MARK1: variants seen among roughly 807,000 people sequenced by gnomAD.
MARK1 encodes the protein microtubule affinity regulating kinase 1, also known as serine/threonine-protein kinase MARK1.
In MARK1, 40 loss-of-function variants were observed where a neutral mutation model predicts 96.3. The observed-to-expected ratio is 0.42, with a 90% confidence interval of 0.32 to 0.54. The LOEUF is 0.54. Ranked by LOEUF, MARK1 falls within the 20% of genes least tolerant of loss-of-function variation. MARK1 has a pLI of 0.16. For missense variants in MARK1, 719 were observed against 984.6 expected (o/e 0.73, Z 3.61); for synonymous variants, 317 against 341.2 (o/e 0.93, Z 0.78).
rs1664092369 is a variant in MARK1 at position 220,579,561 on chromosome 1, A to G, written c.255+4A>G. 6.2e-7 allele frequency: 1 copy of G among 1,613,084 alleles called. No homozygotes were observed. The highest frequency in any genetic ancestry group is 8.5e-7 in the Non-Finnish European group (1 of 1,179,184). Reference sequence around the variant, plus strand: ...ACACGTTCTAACTGGTAGAGAGGTAAGTTTGCACAATGCCTTTTAATATCT... The same window carrying G: ...ACACGTTCTAACTGGTAGAGAGGTAGGTTTGCACAATGCCTTTTAATATCT... On this transcript the variant is annotated splice_donor_region_variant and intron_variant, in intron 2 of 17. Transcript: ENST00000366917.
chr1:220,634,390 C>T (rs905894643), intron 11 of MARK1, among the ~76,000 whole-genome samples: 1 of 152,116 alleles, frequency 6.6e-6, no homozygotes, highest in African/African-American at 2.4e-5. Context: ...CTAAGCACCC[C>T]CACCCCTGCC....
At chr1:220,626,241 G>A in intron 9 of MARK1, 3 of 528,302 alleles carry the variant, frequency 5.7e-6, no homozygotes, top group South Asian at 4.8e-5. Flanking sequence ...ATCACCAGAG[G>A]GTGCTGTATA....
At chr1:220,529,054 C>T (rs938897721) in intron 1 of MARK1, among the ~76,000 whole-genome samples, 181 bp downstream of exon 1, 1 of 152,216 alleles carries the variant, frequency 6.6e-6, no homozygotes, top group African/African-American at 2.4e-5. Context: ...AACCCCATTT[C>T]GCTTGTTTCC....
rs5781180 is a variant in MARK1 at position 220,598,398 on chromosome 1, T to TTATATA, written c.358+34_358+39dup. On this transcript the variant is annotated intron_variant, in intron 4 of 17. Coordinates refer to ENST00000366917, the MANE Select transcript of MARK1 (RefSeq NM_018650.5). ...AATATAGGTATGAAATATATATATA[T>TTATATA]TATATATATATATATATATAATTAG... is the stretch of plus-strand genomic sequence containing the variant. 2,087 of 213,818 alleles carry TTATATA rather than the reference T, an allele frequency of 9.8e-3. 13 individuals carry two copies. The highest frequency in any genetic ancestry group is 0.019 in the Middle Eastern group (10 of 514). The allele number at this position is 213,818 out of a possible 1,614,324, so 13.2% of individuals were successfully genotyped here.
chr1:220,575,735 T>G (rs983199744), intron 1 of MARK1, among the ~76,000 whole-genome samples: 1 of 152,012 alleles, frequency 6.6e-6, no homozygotes, highest in Non-Finnish European at 1.5e-5. Flanking sequence ...TGATCATGTT[T>G]AATGTTGAGG....
chr1:220,553,964 C>T (rs1160193826), intron 1 of MARK1, among the ~76,000 whole-genome samples: 1 of 152,228 alleles, frequency 6.6e-6, no homozygotes, highest in East Asian at 1.9e-4. Context: ...CCATTCAAAA[C>T]TGGCAGGCTT....
chr1:220,611,365 G>T (rs563141907), intron 6 of MARK1, among the ~76,000 whole-genome samples: 1 of 152,180 alleles, frequency 6.6e-6, no homozygotes, highest in Admixed American at 6.5e-5. Context: ...CTCCGTGGGC[G>T]TAGGACCCGC....
rs1281751675 is a variant in MARK1 at position 220,662,970 on chromosome 1, T to C, written c.*804T>C. On this transcript the variant is annotated 3_prime_UTR_variant, in exon 18 of 18. Transcript: ENST00000366917. ...TTTAAAAGAAAAAAAACATACTTTATCTGGCTATTATAACATAAACTGTCA... is the reference window on the plus strand; with the variant it reads ...TTTAAAAGAAAAAAAACATACTTTACCTGGCTATTATAACATAAACTGTCA... 3.3e-5 allele frequency: 5 copies of C among 152,652 alleles called. No homozygotes were observed. Among genetic ancestry groups the C allele is most frequent in the African/African-American group, 9.6e-5 (4 of 41,462 alleles). The allele number at this position is 152,652 out of a possible 1,614,324, so 9.5% of individuals were successfully genotyped here. A position where few individuals can be genotyped will look rare whatever the true frequency, so the allele number is the denominator to read the frequency against.
At chr1:220,636,777 T>C (rs919011024) in intron 13 of MARK1, among the ~76,000 whole-genome samples, 3 of 151,786 alleles carry the variant, frequency 2.0e-5, no homozygotes, top group African/African-American at 7.3e-5. Flanking sequence ...GGAACAAGAT[T>C]CTGTAGTCCC....
At chr1:220,656,855 G>T (rs1052333986) in intron 16 of MARK1, among the ~76,000 whole-genome samples, 4 of 152,036 alleles carry the variant, frequency 2.6e-5, no homozygotes, top group African/African-American at 9.7e-5. Context: ...GAGGCATAAG[G>T]CGTTCATATT....
intron 4 of MARK1, among the ~76,000 whole-genome samples, chr1:220,599,293 C>A (rs562850311): frequency 1.3e-5 from 2 of 151,844 alleles, no homozygotes; most frequent in East Asian, 3.9e-4. Flanking sequence ...AAAATCTTAT[C>A]TGTATATAGT....
chr1:220,654,026 T>G lies in MARK1; in HGVS notation c.1988+674T>G, dbSNP rs1669041442. 1.3e-5 allele frequency among the ~76,000 whole-genome samples: 2 copies of G among 152,230 alleles called. No individual in the cohort carries two copies. Among genetic ancestry groups the G allele is most frequent in the Admixed American group, 6.5e-5 (1 of 15,282 alleles). Reference sequence around the variant, plus strand: ...TTCCTGGTCCCACTAAATGCCTACTTAAGCCCTGCGACAGACAAAGCACTG... The same window carrying G: ...TTCCTGGTCCCACTAAATGCCTACTGAAGCCCTGCGACAGACAAAGCACTG... On this transcript the variant is annotated intron_variant, in intron 16 of 17. Coordinates refer to ENST00000366917, the MANE Select transcript of MARK1 (RefSeq NM_018650.5). The surrounding 1 kb of genome is among the most constrained non-coding windows in gnomAD (Gnocchi z 4.0).
intron 1 of MARK1, among the ~76,000 whole-genome samples, chr1:220,538,693 C>G (rs1415174667): frequency 1.3e-5 from 2 of 151,846 alleles, no homozygotes; most frequent in African/African-American, 4.8e-5. Context: ...TTGATTCTTC[C>G]TACCCATGAG....
Position 220,618,214 on chromosome 1 carries a change from C to A in MARK1, c.553-96C>A. The A allele has an allele frequency of 1.3e-6, 1 of 752,032 alleles. No individual in the cohort carries two copies. The highest frequency in any genetic ancestry group is 2.2e-6 in the Non-Finnish European group (1 of 450,612). 46.6% of individuals were successfully genotyped at this position (752,032 alleles called of 1,614,324 possible). On this transcript the variant is annotated intron_variant, in intron 7 of 17. Coordinates refer to ENST00000366917, the MANE Select transcript of MARK1 (RefSeq NM_018650.5). The surrounding 1 kb of genome is among the most constrained non-coding windows in gnomAD (Gnocchi z 4.6). ...TGATACTACATTTAGAAATGAGGGGCAAGAGATATGTAAGTTTGGAAGCTA... is the reference window on the plus strand; with the variant it reads ...TGATACTACATTTAGAAATGAGGGGAAAGAGATATGTAAGTTTGGAAGCTA...
In MARK1 at chr1:220,618,887, G is replaced by A. The variant is rs1666904717; in HGVS notation, c.909+132G>A. On this transcript the variant is annotated intron_variant, in intron 9 of 17. Transcript: ENST00000366917. This position sits in a 1 kb window ranked among gnomAD's most constrained non-coding sequence, Gnocchi z 4.6. ...TAATCTGCCTTTTGTTTGTAGGTAGGGAAAATTACATGACTTTTTTTCACT... is the reference window on the plus strand; with the variant it reads ...TAATCTGCCTTTTGTTTGTAGGTAGAGAAAATTACATGACTTTTTTTCACT... 1 of 731,732 alleles carries A rather than the reference G, an allele frequency of 1.4e-6. No homozygotes were observed. Among genetic ancestry groups the A allele is most frequent in the Admixed American group, 3.5e-5 (1 of 28,432 alleles). The allele number at this position is 731,732 out of a possible 1,614,324, so 45.3% of individuals were successfully genotyped here.
chr1:220,528,278 GCC>G lies in MARK1; in HGVS notation c.-544_-543del, dbSNP rs1355682314. The stretch of plus-strand genomic sequence containing the variant: ...GCGCGGACCGAGCCGAGACATTCGC[GCC>G]GGGGGATCGGGCGCCGCCGCCGCTG... On this transcript the variant is annotated 5_prime_UTR_variant, in exon 1 of 18. Coordinates refer to ENST00000366917, the MANE Select transcript of MARK1 (RefSeq NM_018650.5). 1 of 151,172 alleles carries G rather than the reference GCC, an allele frequency of 6.6e-6. No individual in the cohort carries two copies. The highest frequency in any genetic ancestry group is 6.6e-5 in the Admixed American group (1 of 15,160). The allele number at this position is 151,172 out of a possible 1,614,324, so 9.4% of individuals were successfully genotyped here. A position where few individuals can be genotyped will look rare whatever the true frequency, so the allele number is the denominator to read the frequency against.
At chr1:220,644,449 ACC>A (rs61146086) in intron 13 of MARK1, among the ~76,000 whole-genome samples, 2,354 of 124,214 alleles carry the variant, frequency 0.019, 64 homozygotes, top group Middle Eastern at 0.078. Flanking sequence ...AGAGACTTAG[ACC>A]CCCCCCCCCC....
chr1:220,643,204 G>A (rs146503041), intron 13 of MARK1, among the ~76,000 whole-genome samples: 4 of 152,242 alleles, frequency 2.6e-5, no homozygotes, highest in African/African-American at 4.8e-5. Context: ...GCTAAGAACC[G>A]TGATGAAAGA....
Position 220,533,912 on chromosome 1 carries a change from A to T in MARK1, c.51+5039A>T, listed in dbSNP as rs541827273. ...TTTTTTTCCTCCTATTTCACTGTTTATCTGTACTCCAATCTGTAGTATAAC... is the reference window on the plus strand; with the variant it reads ...TTTTTTTCCTCCTATTTCACTGTTTTTCTGTACTCCAATCTGTAGTATAAC... On this transcript the variant is annotated intron_variant, in intron 1 of 17. Transcript: ENST00000366917. 1.8e-4 allele frequency among the ~76,000 whole-genome samples: 28 copies of T among 152,082 alleles called. 1 individual carries two copies. Among genetic ancestry groups the T allele is most frequent in the African/African-American group, 6.7e-4 (28 of 41,500 alleles).
Sources: gnomAD v4.1 joint callset for allele counts (sites outside exome capture counted in the v4.1 genomes callset) on GRCh38, gnomAD v4.1.1 for gene constraint, Gnocchi (gnomAD v3.1) non-coding constraint, MANE v1.5 for transcripts, NCBI Gene and HGNC (gene_info 2026-07-23, HGNC 2026-07-21) for gene names.